The following DCBLD2 variants were observed in gnomAD, a reference collection of about 807,000 sequenced individuals.
DCBLD2 encodes discoidin, CUB and LCCL domain-containing protein 2.
In DCBLD2, 54 loss-of-function variants were observed where a neutral mutation model predicts 86.8. The observed-to-expected ratio is 0.62, with a 90% CI of 0.50 to 0.78. DCBLD2 has a LOEUF of 0.78. Among genes scored for constraint, DCBLD2 ranks in the 30% least tolerant of loss-of-function variants. The pLI, the probability that DCBLD2 is intolerant of heterozygous loss-of-function variation, is 0.00. For synonymous variants in DCBLD2, 354 were observed against 341.3 expected (o/e 1.04, Z -0.41); for missense variants, 908 against 954.2 (o/e 0.95, Z 0.64).
At chr3:98,857,354 C>A (rs1035482650) in intron 2 of DCBLD2, among the ~76,000 whole-genome samples, 1 of 152,218 alleles carries the variant, frequency 6.6e-6, no homozygotes, top group African/African-American at 2.4e-5. Context: ...GTAAGGGGAC[C>A]CAAGCTGGGT....
intron 2 of DCBLD2, among the ~76,000 whole-genome samples, chr3:98,857,477 T>C (rs951650152): frequency 6.8e-6 from 1 of 147,934 alleles, no homozygotes; most frequent in Admixed American, 6.7e-5. Context: ...CTGGTCCATT[T>C]TACAGAGAGC....
rs143685510 is a variant in DCBLD2 at position 98,844,034 on chromosome 3, G to GCACGCACACACACACACA, written c.571+5426_571+5427insTGTGTGTGTGTGTGCGTG. Among the ~76,000 whole-genome samples, 46 of 145,628 alleles carry GCACGCACACACACACACA rather than the reference G, an allele frequency of 3.2e-4. No individual in the cohort carries two copies. The East Asian group carries it at 7.7e-3, about 24-fold the overall frequency. On this transcript the variant is annotated intron_variant, in intron 3 of 15. Transcript: ENST00000326840. The stretch of plus-strand genomic sequence containing the variant: ...GGATCACCACTTTCCAATCATGCAT[G>GCACGCACACACACACACA]CACACACACACACACACACACACAC...
intron 12 of DCBLD2, among the ~76,000 whole-genome samples, chr3:98,809,054 G>C (rs1941888678): frequency 6.6e-6 from 1 of 152,046 alleles, no homozygotes; most frequent in South Asian, 2.1e-4. Context: ...ACAATGTGGT[G>C]TTAAGAAAGT....
chr3:98,897,139 C>T lies in DCBLD2; in HGVS notation c.205+3983G>A, dbSNP rs145613056. On this transcript the variant is annotated intron_variant, in intron 1 of 15. Transcript: ENST00000326840. ...ATTCCACCATTTTAAGATATTTTTA[C>T]ATGTTTGTCTTTAAAATGAGGCTCA... 4.3e-4 allele frequency among the ~76,000 whole-genome samples: 65 copies of T among 152,246 alleles called. No homozygotes were observed. The East Asian group carries it at 0.011, about 25-fold the overall frequency.
At chr3:98,843,042 T>C (rs34711372) in intron 3 of DCBLD2, among the ~76,000 whole-genome samples, 7,449 of 152,256 alleles carry the variant, frequency 0.049, 246 homozygotes, top group Non-Finnish European at 0.07. Context: ...ATAAACTCTA[T>C]CCTGTAATGT....
chr3:98,823,725 C>T (rs967527368), intron 4 of DCBLD2, among the ~76,000 whole-genome samples: 2 of 152,188 alleles, frequency 1.3e-5, no homozygotes, highest in Non-Finnish European at 2.9e-5. Flanking sequence ...TGCCAGGTAG[C>T]ACCCTAAGTG....
At chr3:98,861,730 T>C (rs954992150) in intron 2 of DCBLD2, among the ~76,000 whole-genome samples, 2 of 150,960 alleles carry the variant, frequency 1.3e-5, no homozygotes, top group Non-Finnish European at 3.0e-5. Flanking sequence ...TAAAGCAGTG[T>C]GTAGAGGGAA....
intron 2 of DCBLD2, among the ~76,000 whole-genome samples, chr3:98,865,557 G>C (rs919528903): frequency 3.9e-5 from 6 of 152,076 alleles, no homozygotes; most frequent in African/African-American, 1.4e-4. Context: ...ACAGTGTATT[G>C]TATAGTTAAA....
At chr3:98,884,512 G>A (rs2107525113) in intron 1 of DCBLD2, among the ~76,000 whole-genome samples, 1 of 151,738 alleles carries the variant, frequency 6.6e-6, no homozygotes, top group African/African-American at 2.4e-5. Flanking sequence ...AAAATCTACT[G>A]TGAAAATAAA....
intron 1 of DCBLD2, among the ~76,000 whole-genome samples, chr3:98,886,613 C>T (rs1380920671): frequency 6.6e-6 from 1 of 151,986 alleles, no homozygotes; most frequent in African/African-American, 2.4e-5. Flanking sequence ...GGGTAGAAGC[C>T]TGTTAACCTA....
chr3:98,864,729 A>G (rs1436291222), intron 2 of DCBLD2, among the ~76,000 whole-genome samples: 3 of 152,128 alleles, frequency 2.0e-5, no homozygotes, highest in African/African-American at 7.2e-5. Context: ...GGGGAGAGAA[A>G]GCATTAGGAG....
chr3:98,852,544 G>A lies in DCBLD2; in HGVS notation c.434-2946C>T, dbSNP rs566134850. 1.4e-3 allele frequency among the ~76,000 whole-genome samples: 216 copies of A among 152,294 alleles called. 1 individual carries two copies. Among genetic ancestry groups the A allele is most frequent in the East Asian group, 1.7e-3 (9 of 5,190 alleles). ...TTACAGGCGTGAGCCACCGCACCCAGCCTTCTAGGGTATTTCTTACCAGGA... is the reference window on the plus strand; with the variant it reads ...TTACAGGCGTGAGCCACCGCACCCAACCTTCTAGGGTATTTCTTACCAGGA... On this transcript the variant is annotated intron_variant, in intron 2 of 15. Transcript: ENST00000326840.
At chr3:98,839,141 TTCC>T (rs1017283166) in intron 3 of DCBLD2, among the ~76,000 whole-genome samples, 2 of 14,126 alleles carry the variant, frequency 1.4e-4, no homozygotes, top group African/African-American at 1.8e-4. Context: ...CCTTCCTTCC[TTCC>T]TTCTTTCTTT....
chr3:98,803,736 T>G (rs1941774126), intron 13 of DCBLD2, among the ~76,000 whole-genome samples: 1 of 152,228 alleles, frequency 6.6e-6, no homozygotes, highest in South Asian at 2.1e-4. Context: ...CCTAATTTAT[T>G]GAGAGTTTTT....
chr3:98,901,234 G>A lies in DCBLD2; in HGVS notation c.93C>T (p.Pro31=), dbSNP rs934713078. 3.3e-6 allele frequency: 5 copies of A among 1,534,704 alleles called. No individual in the cohort carries two copies. The highest frequency in any genetic ancestry group is 1.4e-5 in the African/African-American group (1 of 72,968). ...AGCAGGGAGGGAGGGAGCGGGAGAGGGGGAGCGCGGCCCAGGCGGGGGCGG... is the reference window on the plus strand; with the variant it reads ...AGCAGGGAGGGAGGGAGCGGGAGAGAGGGAGCGCGGCCCAGGCGGGGGCGG... ...AAAAPAWAAL[P]LSRSLPPCSN... Residue 31 remains proline, a synonymous_variant, in exon 1 of 16, where the codon CCC becomes CCT. Coordinates refer to ENST00000326840, the MANE Select transcript of DCBLD2 (RefSeq NM_080927.4).
At chr3:98,821,614 G>A (rs1942118919) in intron 6 of DCBLD2, among the ~76,000 whole-genome samples, 1 of 152,048 alleles carries the variant, frequency 6.6e-6, no homozygotes, top group African/African-American at 2.4e-5. Context: ...ATAAGGATTT[G>A]GCAACAAACT....
In DCBLD2 at chr3:98,822,371, G is replaced by A. The variant is rs532947649; in HGVS notation, c.697-10C>T. 9 of 1,604,658 alleles carry A rather than the reference G, an allele frequency of 5.6e-6. No homozygotes were observed. The African/African-American group carries it at 1.2e-4, about 22-fold the overall frequency. The stretch of plus-strand genomic sequence containing the variant: ...TGCACAATGGCGAGGACTTAAGGAA[G>A]GGAAAAGAAAAGATTCATTTTTAAT... On this transcript the variant is annotated splice_polypyrimidine_tract_variant and intron_variant, in intron 5 of 15. Coordinates refer to ENST00000326840, the MANE Select transcript of DCBLD2 (RefSeq NM_080927.4).
chr3:98,870,729 A>AG (rs1481366550), intron 2 of DCBLD2, among the ~76,000 whole-genome samples: 22 of 117,730 alleles, frequency 1.9e-4, no homozygotes, highest in East Asian at 1.8e-3. Context: ...AGGAAAAGAA[A>AG]AGAAAGAAAA....
At chr3:98,818,938 T>C (rs545310248) in intron 8 of DCBLD2, among the ~76,000 whole-genome samples, 23 of 152,352 alleles carry the variant, frequency 1.5e-4, no homozygotes, top group African/African-American at 5.3e-4. Flanking sequence ...TGTGAGTCGA[T>C]ACACCTTAAT....
Sources: allele counts gnomAD v4.1 joint callset (sites outside exome capture counted in the v4.1 genomes callset), GRCh38; gene constraint gnomAD v4.1.1; transcripts MANE v1.5; gene names NCBI Gene and HGNC (gene_info 2026-07-23, HGNC 2026-07-21).